CCDC92: variants seen among roughly 807,000 people sequenced by gnomAD.
CCDC92 encodes the protein coiled-coil domain containing 92, also known as coiled-coil domain-containing protein 92.
In CCDC92, 12 loss-of-function variants were observed where a neutral mutation model predicts 24.9. That is an observed-to-expected ratio of 0.48 (90% confidence interval 0.31 to 0.78). CCDC92 has a LOEUF of 0.78. CCDC92 is among the 30% of genes least tolerant of loss of function. The pLI, the probability that CCDC92 is intolerant of heterozygous loss-of-function variation, is 0.05. For missense variants in CCDC92, 399 were observed against 439.4 expected (o/e 0.91, Z 0.82); for synonymous variants, 193 against 196.3 (o/e 0.98, Z 0.14).
intron 1 of CCDC92, among the ~76,000 whole-genome samples, chr12:123,965,024 A>G (rs1200656940): frequency 1.3e-5 from 2 of 152,264 alleles, no homozygotes; most frequent in Admixed American, 1.3e-4. Context: ...TCACCTGACA[A>G]TCCCCACGGA....
chr12:123,953,516 T>C (rs1488886333), intron 1 of CCDC92, among the ~76,000 whole-genome samples: 1 of 152,236 alleles, frequency 6.6e-6, no homozygotes, highest in Non-Finnish European at 1.5e-5. Flanking sequence ...CAGTGGCTCA[T>C]GCCTGTAATC....
Position 123,944,325 on chromosome 12 carries a change from A to G in CCDC92, c.-20T>C, listed in dbSNP as rs1392810720. 1 of 1,572,646 alleles carries G rather than the reference A, an allele frequency of 6.4e-7. No individual in the cohort carries two copies. The highest frequency in any genetic ancestry group is 1.4e-5 in the African/African-American group (1 of 71,840). Reference sequence around the variant, plus strand: ...AGTCATGGGTCTTTCTGGAAAAGCTACCAGAGTAATTCAAGACGCTTGTAC... The same window carrying G: ...AGTCATGGGTCTTTCTGGAAAAGCTGCCAGAGTAATTCAAGACGCTTGTAC... On this transcript the variant is annotated 5_prime_UTR_variant, in exon 2 of 5. Coordinates refer to ENST00000238156, the MANE Select transcript of CCDC92 (RefSeq NM_025140.3).
chr12:123,949,999 C>T (rs771222014), intron 1 of CCDC92, among the ~76,000 whole-genome samples: 1 of 152,194 alleles, frequency 6.6e-6, no homozygotes, highest in African/African-American at 2.4e-5. Flanking sequence ...CCTGACTTGC[C>T]CGAGCACAGT....
chr12:123,963,679 G>T (rs1458465607), intron 1 of CCDC92, among the ~76,000 whole-genome samples: 1 of 152,148 alleles, frequency 6.6e-6, no homozygotes, highest in Non-Finnish European at 1.5e-5. Context: ...GAGGGTGAGT[G>T]CAAGATAAAT....
rs573155537 is a variant in CCDC92, at chr12:123,937,298, G to A, written c.756C>T (p.Ser252=). The change falls in exon 5 of 5, where the codon TCC becomes TCT. Residue 252 remains serine (S), a synonymous_variant. Transcript: ENST00000238156. The surrounding 1 kb of genome is among the most constrained non-coding windows in gnomAD (Gnocchi z 8.4). ...DPTPFLLARE[S]AEVHLIKERP... is the part of the protein sequence containing the mutation. Reference sequence around the variant, plus strand: ...TCTCTTTGATGAGGTGGACCTCGGCGGACTCCCTAGCCAGCAGAAATGGGG... The same window carrying A: ...TCTCTTTGATGAGGTGGACCTCGGCAGACTCCCTAGCCAGCAGAAATGGGG... 90 of 1,613,220 alleles carry A rather than the reference G, an allele frequency of 5.6e-5. No homozygotes were observed. Among genetic ancestry groups the A allele is most frequent in the South Asian group, 5.5e-4 (50 of 91,084 alleles).
chr12:123,959,916 A>T (rs1038246753), intron 1 of CCDC92, among the ~76,000 whole-genome samples: 2 of 152,246 alleles, frequency 1.3e-5, no homozygotes, highest in Non-Finnish European at 2.9e-5. Context: ...ATGGAGAGTC[A>T]TCCAAACAGG....
At chr12:123,942,655 T>A in intron 4 of CCDC92, 89 bp downstream of exon 4, 1 of 980,094 alleles carries the variant, frequency 1.0e-6, no homozygotes, top group Non-Finnish European at 1.7e-6. Flanking sequence ...AAGAGCATTT[T>A]CTCCTAAGTG....
intron 1 of CCDC92, among the ~76,000 whole-genome samples, chr12:123,953,453 T>C (rs1956075886): frequency 1.3e-5 from 2 of 152,328 alleles, no homozygotes; most frequent in South Asian, 2.1e-4. Flanking sequence ...ACATTTTTGA[T>C]ATGTGTAGAA....
At chr12:123,951,818 G>A (rs947752684) in intron 1 of CCDC92, among the ~76,000 whole-genome samples, 1 of 152,230 alleles carries the variant, frequency 6.6e-6, no homozygotes, top group African/African-American at 2.4e-5. Context: ...GTGATTAAAT[G>A]TAACAGGAGG....
chr12:123,954,887 G>A (rs547090904), intron 1 of CCDC92, among the ~76,000 whole-genome samples: 4 of 152,324 alleles, frequency 2.6e-5, no homozygotes, highest in East Asian at 1.9e-4. Flanking sequence ...TTCCATCTCC[G>A]GACCCTCAGA....
chr12:123,936,012 G>GTGTT lies in CCDC92; in HGVS notation c.*1042_*1045dup, dbSNP rs1436534667. The GTGTT allele has an allele frequency of 6.5e-6, 1 of 153,194 alleles. No homozygotes were observed. Among genetic ancestry groups the GTGTT allele is most frequent in the Non-Finnish European group, 1.5e-5 (1 of 68,788 alleles). The allele number at this position is 153,194 out of a possible 1,614,324, so 9.5% of individuals were successfully genotyped here. On this transcript the variant is annotated 3_prime_UTR_variant, in exon 5 of 5. Coordinates refer to ENST00000238156, the MANE Select transcript of CCDC92 (RefSeq NM_025140.3). ...GGCGACTGTGAAGTTGTTGAGCTTAGTGTTTAGTTCCTGCATGAGCTTCTA... is the reference window on the plus strand; with the variant it reads ...GGCGACTGTGAAGTTGTTGAGCTTAGTGTTTGTTTAGTTCCTGCATGAGCTTCTA...
intron 4 of CCDC92, among the ~76,000 whole-genome samples, chr12:123,940,531 A>G (rs11057399): frequency 0.32 from 48,765 of 152,078 alleles, 8,002 homozygotes; most frequent in Middle Eastern, 0.36. Context: ...GAGCTGCTTC[A>G]GTGACTGTCC....
intron 1 of CCDC92, chr12:123,971,641 G>T (rs1277396648): frequency 6.6e-6 from 1 of 152,216 alleles, no homozygotes; most frequent in Non-Finnish European, 1.5e-5. Flanking sequence ...CTCTCTGGCA[G>T]CCTAATTTTC....
intron 1 of CCDC92, among the ~76,000 whole-genome samples, chr12:123,958,440 C>T (rs576683495): frequency 6.6e-6 from 1 of 152,348 alleles, no homozygotes; most frequent in Non-Finnish European, 1.5e-5. Flanking sequence ...GAGCCAAATG[C>T]AGATTCTTTC....
chr12:123,945,257 A>C (rs1266403905), intron 1 of CCDC92: 1 of 152,192 alleles, frequency 6.6e-6, no homozygotes, highest in Non-Finnish European at 1.5e-5. Flanking sequence ...GGCTTTCCTC[A>C]GTGGAGCCGT....
chr12:123,943,152 T>G (rs1237835066), intron 3 of CCDC92, among the ~76,000 whole-genome samples, 195 bp downstream of exon 3: 4 of 152,244 alleles, frequency 2.6e-5, no homozygotes, highest in African/African-American at 9.6e-5. Flanking sequence ...AAGTCCTCAG[T>G]ATGCCAAGAA....
intron 1 of CCDC92, among the ~76,000 whole-genome samples, chr12:123,952,141 G>A (rs1025673611): frequency 2.0e-5 from 3 of 152,166 alleles, no homozygotes; most frequent in Non-Finnish European, 2.9e-5. Flanking sequence ...ATAGAGTAGT[G>A]CTCAATGAAT....
chr12:123,958,258 G>C (rs975347068), intron 1 of CCDC92, among the ~76,000 whole-genome samples: 5 of 151,898 alleles, frequency 3.3e-5, no homozygotes, highest in Admixed American at 6.6e-5. Context: ...TCTCCATGTT[G>C]GTCAGGCTGG....
chr12:123,944,514 G>A, intron 1 of CCDC92, 150 bp from the exon 2 acceptor site: 1 of 505,376 alleles, frequency 2.0e-6, no homozygotes, highest in Non-Finnish European at 3.4e-6. Context: ...CCATTTGTAG[G>A]ATGCCACAGT....
Sources: allele counts gnomAD v4.1 joint callset (sites outside exome capture counted in the v4.1 genomes callset), GRCh38; gene constraint gnomAD v4.1.1; non-coding constraint Gnocchi (gnomAD v3.1); transcripts MANE v1.5; gene names NCBI Gene and HGNC (gene_info 2026-07-23, HGNC 2026-07-21).